WDR27: variants seen among roughly 807,000 people sequenced by gnomAD.
WDR27 encodes the protein WD repeat-containing protein 27.
A neutral mutation model predicts 114.4 loss-of-function variants in WDR27; 100 were observed. That is an observed-to-expected ratio of 0.87 (90% CI 0.74 to 1.03). WDR27 has a LOEUF of 1.03. Among genes scored for constraint, WDR27 ranks in the 50% least tolerant of loss-of-function variants. The pLI is 0.00. For missense variants in WDR27, 1,129 were observed against 1,092.9 expected (o/e 1.03, Z -0.47); for synonymous variants, 449 against 423.1 (o/e 1.06, Z -0.75).
chr6:169,560,088 A>G (rs1799473511), intron 25 of WDR27, among the ~76,000 whole-genome samples: 1 of 152,068 alleles, frequency 6.6e-6, no homozygotes, highest in Non-Finnish European at 1.5e-5. Flanking sequence ...CCAAATCTCC[A>G]CTTGAATCGT....
At chr6:169,685,741 G>A (rs1200049068) in intron 2 of WDR27, among the ~76,000 whole-genome samples, 1 of 152,144 alleles carries the variant, frequency 6.6e-6, no homozygotes, top group Non-Finnish European at 1.5e-5. Flanking sequence ...TCATAATATG[G>A]GCATTCTAGC....
In WDR27 at chr6:169,667,170, T is replaced by C. The variant is rs1235857618; in HGVS notation, c.678A>G (p.Thr226=). ...CAGATGAACTGTATATTAATGATCCTGTACAATGGTCCCAGACCTTTGGAT... is the reference window on the plus strand; with the variant it reads ...CAGATGAACTGTATATTAATGATCCCGTACAATGGTCCCAGACCTTTGGAT... ...DRGFKVWDHC[T]GSLIYSSSVL... Residue 226 remains threonine, a synonymous_variant, in exon 6 of 26, where the codon ACA becomes ACG. Coordinates refer to ENST00000448612, the MANE Select transcript of WDR27 (RefSeq NM_182552.5). The C allele has an allele frequency of 9.1e-6, 14 of 1,530,732 alleles. No individual in the cohort carries two copies. The highest frequency in any genetic ancestry group is 4.1e-5 in the African/African-American group (3 of 72,428). The allele number at this position is 1,530,732 out of a possible 1,614,324, so 94.8% of individuals were successfully genotyped here.
chr6:169,529,884 C>T (rs1196455935), intron 25 of WDR27, among the ~76,000 whole-genome samples: 2 of 152,006 alleles, frequency 1.3e-5, no homozygotes, highest in African/African-American at 4.8e-5. Flanking sequence ...TCACAAACTT[C>T]AATAGCACTG....
In WDR27 at chr6:169,658,262, CACCCTGTACT is replaced by C; in HGVS notation, c.1402+4_1402+13del. On this transcript the variant is annotated splice_donor_5th_base_variant and intron_variant, in intron 13 of 25. Transcript: ENST00000448612. ...AGCCTTGTATTCTTAGATCTCACAGCACCCTGTACTGACCACGTCGCTGTTCACTAGCAGC... is the reference window on the plus strand; with the variant it reads ...AGCCTTGTATTCTTAGATCTCACAGCGACCACGTCGCTGTTCACTAGCAGC... 1 of 1,587,716 alleles carries C rather than the reference CACCCTGTACT, an allele frequency of 6.3e-7. No homozygotes were observed. The highest frequency in any genetic ancestry group is 8.6e-7 in the Non-Finnish European group (1 of 1,165,730).
chr6:169,456,872 C>G (rs7758376), downstream of WDR27, among the ~76,000 whole-genome samples: 79,636 of 151,256 alleles, frequency 0.53, 22,769 homozygotes, highest in East Asian at 0.88. The surrounding 1 kb of genome is among the most constrained non-coding windows in gnomAD (Gnocchi z 4.0). Context: ...AACCCACAGG[C>G]AGAGGTCACG....
At chr6:169,646,437 C>T (rs986433054) in intron 16 of WDR27, among the ~76,000 whole-genome samples, 5 of 152,238 alleles carry the variant, frequency 3.3e-5, no homozygotes, top group Middle Eastern at 3.4e-3. Flanking sequence ...GAAACATTTT[C>T]CAAAAACAGG....
intron 25 of WDR27, among the ~76,000 whole-genome samples, chr6:169,500,952 G>A (rs1791123489): frequency 6.6e-6 from 1 of 152,196 alleles, no homozygotes; most frequent in African/African-American, 2.4e-5. Context: ...ATGCCCCGTT[G>A]TCCTCTCTGC....
At chr6:169,502,366 C>T (rs753448393) in intron 25 of WDR27, among the ~76,000 whole-genome samples, 2 of 152,192 alleles carry the variant, frequency 1.3e-5, no homozygotes, top group South Asian at 4.1e-4. Context: ...CGGTCCCTGT[C>T]GCAGGCCTCC....
chr6:169,480,588 G>A (rs1014356253), intron 25 of WDR27, among the ~76,000 whole-genome samples: 6 of 151,778 alleles, frequency 4.0e-5, no homozygotes, highest in Non-Finnish European at 8.8e-5. Context: ...TCTAGCTTGG[G>A]TTTGTGGATG....
downstream of WDR27, among the ~76,000 whole-genome samples, chr6:169,454,184 TCTG>T (rs770422547): frequency 1.3e-5 from 2 of 152,252 alleles, no homozygotes; most frequent in Non-Finnish European, 2.9e-5. Flanking sequence ...GATTTTATAT[TCTG>T]CTCCCTTTTT....
At chr6:169,571,676 A>G (rs1801450687) in intron 25 of WDR27, among the ~76,000 whole-genome samples, 1 of 152,160 alleles carries the variant, frequency 6.6e-6, no homozygotes, top group African/African-American at 2.4e-5. Flanking sequence ...CAAACAATAA[A>G]TAAATAAATA....
chr6:169,510,976 G>A (rs568669180), intron 25 of WDR27, among the ~76,000 whole-genome samples: 5 of 152,202 alleles, frequency 3.3e-5, no homozygotes, highest in African/African-American at 1.2e-4. Context: ...GACAACTAAC[G>A]TTTGAATCAC....
chr6:169,655,488 G>A (rs1823871341), intron 13 of WDR27, among the ~76,000 whole-genome samples: 1 of 152,228 alleles, frequency 6.6e-6, no homozygotes, highest in Non-Finnish European at 1.5e-5. Context: ...ACAACAGAAC[G>A]CTGTATAGCA....
intron 20 of WDR27, among the ~76,000 whole-genome samples, chr6:169,633,837 C>T (rs1265737477): frequency 2.0e-5 from 3 of 152,192 alleles, no homozygotes; most frequent in Admixed American, 6.5e-5. Context: ...GAAATTACCA[C>T]GTTTCTAAAG....
rs552609120 is a variant in WDR27, at chr6:169,656,111, C to CT, written c.1402+2164dup. 2.6e-3 allele frequency among the ~76,000 whole-genome samples: 399 copies of CT among 151,954 alleles called. 2 individuals are homozygous for CT. Among genetic ancestry groups the CT allele is most frequent in the African/African-American group, 9.3e-3 (384 of 41,404 alleles). On this transcript the variant is annotated intron_variant, in intron 13 of 25. Coordinates refer to ENST00000448612, the MANE Select transcript of WDR27 (RefSeq NM_182552.5). ...TCAGTCAGGTGGTCCCCCAGTGTGG[C>CT]TGAGTTTGGGGCTTTTATGGACTCA...
chr6:169,659,166 G>A lies in WDR27; in HGVS notation c.1239C>T (p.Ala413=), dbSNP rs367694240. 15 of 1,611,190 alleles carry A rather than the reference G, an allele frequency of 9.3e-6. No homozygotes were observed. The highest frequency in any genetic ancestry group is 4.5e-5 in the East Asian group (2 of 44,808). ...GCGCGGCCGGGTTGATCTCCAACAC[G>A]GCAATCTTCCCGCCAAAGAGGGAGG... is the stretch of plus-strand genomic sequence containing the variant. ...LLASLFGGKI[A]VLEINPAALV... is the part of the protein sequence containing the mutation. The change falls in exon 12 of 26, where the codon GCC becomes GCT. Residue 413 remains alanine (A), a synonymous_variant. Transcript: ENST00000448612. The surrounding 1 kb of genome is among the most constrained non-coding windows in gnomAD (Gnocchi z 4.3).
At chr6:169,577,883 G>A (rs1049382109) in intron 24 of WDR27, among the ~76,000 whole-genome samples, 2 of 152,156 alleles carry the variant, frequency 1.3e-5, no homozygotes, top group Non-Finnish European at 2.9e-5. Flanking sequence ...TCAGGCCTTT[G>A]GACTCAGGCT....
chr6:169,566,513 G>A (rs1800524860), intron 25 of WDR27, among the ~76,000 whole-genome samples: 1 of 152,240 alleles, frequency 6.6e-6, no homozygotes, highest in Non-Finnish European at 1.5e-5. Context: ...GTCACGTGAT[G>A]AGAAATGACA....
the WDR27 span, among the ~76,000 whole-genome samples, chr6:169,448,854 T>A: frequency 6.6e-6 from 1 of 152,150 alleles, no homozygotes; most frequent in African/African-American, 2.4e-5. Flanking sequence ...CTCTAACCCA[T>A]GTCCAGAGCA....
Sources: gnomAD v4.1 joint callset for allele counts (sites outside exome capture counted in the v4.1 genomes callset) on GRCh38, gnomAD v4.1.1 for gene constraint, Gnocchi (gnomAD v3.1) non-coding constraint, MANE v1.5 for transcripts, NCBI Gene and HGNC (gene_info 2026-07-23, HGNC 2026-07-21) for gene names.